The following BCAS3 variants were observed in gnomAD, a reference collection of about 807,000 sequenced individuals.
BCAS3 encodes the protein BCAS4/BCAS3 fusion.
BCAS3 carries 53 observed loss-of-function variants against 116.1 expected under a neutral mutation model. The ratio of observed to expected loss-of-function variants is 0.46; its 90% CI spans 0.37 to 0.57. The LOEUF (loss-of-function observed/expected upper bound fraction) is 0.57. Among genes scored for constraint, BCAS3 ranks in the 20% least tolerant of loss-of-function variants. BCAS3 has a pLI of 0.00. For missense variants in BCAS3, 917 were observed against 1,165.4 expected, an observed-to-expected ratio of 0.79 and a Z score of 3.10; for synonymous variants, 391 against 408.2, an observed-to-expected ratio of 0.96 and a Z score of 0.51.
intron 22 of BCAS3, among the ~76,000 whole-genome samples, chr17:61,142,040 T>C (rs2076951123): frequency 6.6e-6 from 1 of 152,202 alleles, no homozygotes; most frequent in Non-Finnish European, 1.5e-5. Context: ...TCCCCAGATA[T>C]ATACACCTTC....
chr17:60,847,443 C>T (rs1428902279), intron 7 of BCAS3, among the ~76,000 whole-genome samples: 6 of 152,158 alleles, frequency 3.9e-5, no homozygotes, highest in Non-Finnish European at 7.4e-5. Flanking sequence ...TTTTATATTC[C>T]TACCAGCAGT....
Position 61,361,016 on chromosome 17 carries a change from A to T in BCAS3, c.2426-7311A>T, listed in dbSNP as rs2058427996. On this transcript the variant is annotated intron_variant, in intron 22 of 23. Transcript: ENST00000407086. This position sits in a 1 kb window ranked among gnomAD's most constrained non-coding sequence, Gnocchi z 6.5. ...GTAGAAAATGAAATTGGTAGCTTTT[A>T]CCCTAGGATACCTCAAATATCAGAC... Among the ~76,000 whole-genome samples the T allele has an allele frequency of 6.6e-6, 1 of 152,148 alleles. No homozygotes were observed. The highest frequency in any genetic ancestry group is 1.5e-5 in the Non-Finnish European group (1 of 68,016).
chr17:60,845,737 C>T (rs1166473094), intron 7 of BCAS3, among the ~76,000 whole-genome samples: 1 of 151,884 alleles, frequency 6.6e-6, no homozygotes, highest in African/African-American at 2.4e-5. Context: ...GTTCTATTCT[C>T]TTGGTTACAT....
chr17:61,162,627 A>G lies in BCAS3; in HGVS notation c.2425+78063A>G, dbSNP rs530335614. ...GCATTTATTTTAGCAGACTTCCCCA[A>G]TAACATTTTGCAGTTTTCAGCTTTT... On this transcript the variant is annotated intron_variant, in intron 22 of 23. Transcript: ENST00000407086. This position sits in a 1 kb window ranked among gnomAD's most constrained non-coding sequence, Gnocchi z 5.6. 2.0e-5 allele frequency among the ~76,000 whole-genome samples: 3 copies of G among 152,284 alleles called. No individual in the cohort carries two copies. Among genetic ancestry groups the G allele is most frequent in the South Asian group, 2.1e-4 (1 of 4,832 alleles).
chr17:60,815,756 G>A lies in BCAS3; in HGVS notation c.476+7680G>A, dbSNP rs142553900. On this transcript the variant is annotated intron_variant, in intron 7 of 23. Coordinates refer to ENST00000407086, the MANE Select transcript of BCAS3 (RefSeq NM_017679.5). ...AATAGAATAGTGACTGCATCAAATG[G>A]AGATGGAGAAAGCCACACATAATCA... Among the ~76,000 whole-genome samples the A allele has an allele frequency of 1.1e-3, 163 of 152,300 alleles. 1 individual carries two copies. The highest frequency in any genetic ancestry group is 3.7e-3 in the African/African-American group (153 of 41,564).
Position 61,315,425 on chromosome 17 carries a change from C to T in BCAS3, c.2426-52902C>T, listed in dbSNP as rs1462817342. ...TGAGCCACCGCGCCCAGCCAACGCACTCCTGTTCTGAGACACGGGAGGGCA... is the reference window on the plus strand; with the variant it reads ...TGAGCCACCGCGCCCAGCCAACGCATTCCTGTTCTGAGACACGGGAGGGCA... On this transcript the variant is annotated intron_variant, in intron 22 of 23. Transcript: ENST00000407086. This position sits in a 1 kb window ranked among gnomAD's most constrained non-coding sequence, Gnocchi z 5.3. Among the ~76,000 whole-genome samples, 2 of 152,146 alleles carry T rather than the reference C, an allele frequency of 1.3e-5. No homozygotes were observed. The highest frequency in any genetic ancestry group is 2.9e-5 in the Non-Finnish European group (2 of 68,014).
chr17:60,976,559 T>C (rs532401038), intron 14 of BCAS3, among the ~76,000 whole-genome samples: 15 of 152,212 alleles, frequency 9.9e-5, no homozygotes, highest in African/African-American at 3.6e-4. Context: ...CAAAGGTCTC[T>C]GGTTTTTCTA....
intron 6 of BCAS3, among the ~76,000 whole-genome samples, chr17:60,791,463 G>T (rs1008859438): frequency 6.6e-6 from 1 of 152,118 alleles, no homozygotes; most frequent in African/African-American, 2.4e-5. Flanking sequence ...AGACTAGCCT[G>T]GGCACAGAGA....
chr17:60,958,865 G>T (rs1465539394), intron 14 of BCAS3, among the ~76,000 whole-genome samples: 1 of 152,150 alleles, frequency 6.6e-6, no homozygotes, highest in African/African-American at 2.4e-5. Flanking sequence ...TTTGACAAAG[G>T]TGCAAAGATA....
In BCAS3 at chr17:60,775,266, C is replaced by T. The variant is rs559860982; in HGVS notation, c.403+27987C>T. Among the ~76,000 whole-genome samples, 29 of 152,098 alleles carry T rather than the reference C, an allele frequency of 1.9e-4. No homozygotes were observed. In the South Asian group the frequency reaches 5.6e-3, roughly 29 times the overall value. On this transcript the variant is annotated intron_variant, in intron 6 of 23. Coordinates refer to ENST00000407086, the MANE Select transcript of BCAS3 (RefSeq NM_017679.5). ...TAGCAAAAGAAAGTGATAAAAACAC[C>T]AAGGGATTCCTTTATTTCTTTTGAT...
At chr17:60,991,827 T>C (rs1432666695) in intron 15 of BCAS3, among the ~76,000 whole-genome samples, 1 of 152,056 alleles carries the variant, frequency 6.6e-6, no homozygotes, top group Non-Finnish European at 1.5e-5. Context: ...TGTAGACTGT[T>C]ACTTGTCCTG....
At chr17:61,093,507 A>G (rs1424490111) in intron 22 of BCAS3, among the ~76,000 whole-genome samples, 2 of 152,122 alleles carry the variant, frequency 1.3e-5, no homozygotes, top group Non-Finnish European at 2.9e-5. Flanking sequence ...GGATCACTTA[A>G]GCCTGGGAGG....
chr17:61,044,863 C>T (rs1425789054), intron 19 of BCAS3, among the ~76,000 whole-genome samples: 2 of 151,578 alleles, frequency 1.3e-5, no homozygotes, highest in Non-Finnish European at 2.9e-5. Flanking sequence ...CCTCTGCTCC[C>T]TGGGTTCACG....
At position 61,032,970 on chromosome 17, in the gene BCAS3, C is replaced by G. The variant is rs1403818709; in HGVS notation, c.1638-1696C>G. On this transcript the variant is annotated intron_variant, in intron 16 of 23. Coordinates refer to ENST00000407086, the MANE Select transcript of BCAS3 (RefSeq NM_017679.5). This position sits in a 1 kb window ranked among gnomAD's most constrained non-coding sequence, Gnocchi z 4.6. ...GGGACCAATCATAGTTGCCTCTGAT[C>G]CAGACTTAGCCATCCTTAGAGGAAG... 6.6e-6 allele frequency among the ~76,000 whole-genome samples: 1 copy of G among 152,214 alleles called. No homozygotes were observed. Among genetic ancestry groups the G allele is most frequent in the Non-Finnish European group, 1.5e-5 (1 of 67,982 alleles).
intron 22 of BCAS3, among the ~76,000 whole-genome samples, chr17:61,351,911 A>G (rs974300886): frequency 2.0e-5 from 3 of 152,228 alleles, no homozygotes; most frequent in East Asian, 3.9e-4. Flanking sequence ...ATCAGAGGAC[A>G]TACAGCTCGT....
rs2080722361 is a variant in BCAS3 at position 61,199,866 on chromosome 17, T to A, written c.2425+115302T>A. On this transcript the variant is annotated intron_variant, in intron 22 of 23. Coordinates refer to ENST00000407086, the MANE Select transcript of BCAS3 (RefSeq NM_017679.5). This position sits in a 1 kb window ranked among gnomAD's most constrained non-coding sequence, Gnocchi z 4.6. ...ATGTCTTTCTAGACATCCACCTTAC[T>A]GCAGGGCCCTAGGGTCATAACCTCT... Among the ~76,000 whole-genome samples, 1 of 152,200 alleles carries A rather than the reference T, an allele frequency of 6.6e-6. No individual in the cohort carries two copies. The highest frequency in any genetic ancestry group is 2.1e-4 in the South Asian group (1 of 4,834).
intron 19 of BCAS3, among the ~76,000 whole-genome samples, chr17:61,062,779 T>A (rs939145006): frequency 2.0e-5 from 3 of 152,220 alleles, no homozygotes; most frequent in African/African-American, 7.2e-5. Flanking sequence ...TTTAATTATG[T>A]CAATGCTGTC....
intron 3 of BCAS3, among the ~76,000 whole-genome samples, chr17:60,689,357 G>C (rs2034509584): frequency 6.6e-6 from 1 of 152,126 alleles, no homozygotes; most frequent in African/African-American, 2.4e-5. Context: ...TGTGTTTTTA[G>C]TAGAGACAGA....
Position 61,236,646 on chromosome 17 carries a change from TG to T in BCAS3, c.2426-131679del, listed in dbSNP as rs373595495. Among the ~76,000 whole-genome samples the T allele has an allele frequency of 6.2e-3, 949 of 152,290 alleles. 8 individuals carry two copies. Among genetic ancestry groups the T allele is most frequent in the African/African-American group, 0.022 (904 of 41,558 alleles). On this transcript the variant is annotated intron_variant, in intron 22 of 23. Coordinates refer to ENST00000407086, the MANE Select transcript of BCAS3 (RefSeq NM_017679.5). ...CTGTAACCTTTATTAAGTGTTACTA[TG>T]GACAAAGCCCTGTGTTAGTACTCTA...
Sources: allele counts gnomAD v4.1 joint callset (sites outside exome capture counted in the v4.1 genomes callset), GRCh38; gene constraint gnomAD v4.1.1; non-coding constraint Gnocchi (gnomAD v3.1); transcripts MANE v1.5; gene names NCBI Gene and HGNC (gene_info 2026-07-23, HGNC 2026-07-21).